NABP1: variants seen among roughly 807,000 people sequenced by gnomAD.
The protein encoded by NABP1 is SOSS complex subunit B2.
Under a neutral mutation model 25.0 loss-of-function variants are expected in NABP1, and 18 were observed. The observed-to-expected ratio is 0.72, with a 90% confidence interval of 0.50 to 1.07. The LOEUF (loss-of-function observed/expected upper bound fraction) is 1.07, where lower values mean the gene tolerates loss of function less well. Among genes scored for constraint, NABP1 ranks in the 50% least tolerant of loss-of-function variants. The pLI, the probability that NABP1 is intolerant of heterozygous loss-of-function variation, is 0.00. For missense variants in NABP1, 270 were observed against 255.6 expected, an observed-to-expected ratio of 1.06 and a Z score of -0.39; for synonymous variants, 71 against 85.0, an observed-to-expected ratio of 0.84 and a Z score of 0.91.
chr2:191,679,878 G>A (rs1047824474), intron 2 of NABP1, among the ~76,000 whole-genome samples: 1 of 152,084 alleles, frequency 6.6e-6, no homozygotes, highest in Non-Finnish European at 1.5e-5. Context: ...GAAAATTATA[G>A]GTAAAGGATT....
chr2:191,686,528 G>T lies in NABP1; in HGVS notation c.*760G>T, dbSNP rs1002004329. The T allele has an allele frequency of 6.6e-6, 1 of 152,162 alleles. No individual in the cohort carries two copies. Among genetic ancestry groups the T allele is most frequent in the Non-Finnish European group, 1.5e-5 (1 of 68,016 alleles). 9.4% of individuals were successfully genotyped at this position (152,162 alleles called of 1,614,324 possible). A position where few individuals can be genotyped will look rare whatever the true frequency, so the allele number is the denominator to read the frequency against. ...AAATACTGAAGTATAATTTGGGGGA[G>T]TTATAAAGTTATGATAAACATTCAT... On this transcript the variant is annotated 3_prime_UTR_variant, in exon 6 of 6. Coordinates refer to ENST00000425611, the MANE Select transcript of NABP1 (RefSeq NM_001031716.5).
chr2:191,685,832 T>A lies in NABP1; in HGVS notation c.*64T>A. On this transcript the variant is annotated 3_prime_UTR_variant, in exon 6 of 6. Coordinates refer to ENST00000425611, the MANE Select transcript of NABP1 (RefSeq NM_001031716.5). Reference sequence around the variant, plus strand: ...GCCCTACTTGAACACTTATTGCACTTTTATTTATTGTTAACTGTGAAAAGT... The same window carrying A: ...GCCCTACTTGAACACTTATTGCACTATTATTTATTGTTAACTGTGAAAAGT... 1 of 1,464,254 alleles carries A rather than the reference T, an allele frequency of 6.8e-7. No individual in the cohort carries two copies. Among genetic ancestry groups the A allele is most frequent in the Non-Finnish European group, 9.4e-7 (1 of 1,062,504 alleles). The allele number at this position is 1,464,254 out of a possible 1,614,324, so 90.7% of individuals were successfully genotyped here. A position where few individuals can be genotyped will look rare whatever the true frequency, so the allele number is the denominator to read the frequency against.
At chr2:191,680,598 G>A (rs1356205623) in intron 2 of NABP1, among the ~76,000 whole-genome samples, 1 of 152,088 alleles carries the variant, frequency 6.6e-6, no homozygotes, top group Non-Finnish European at 1.5e-5. Context: ...CGCTAAAAAC[G>A]GCATCTTATT....
In NABP1 at chr2:191,686,058, ACAT is replaced by A. The variant is rs1687814195; in HGVS notation, c.*293_*295del. On this transcript the variant is annotated 3_prime_UTR_variant, in exon 6 of 6. Coordinates refer to ENST00000425611, the MANE Select transcript of NABP1 (RefSeq NM_001031716.5). Reference sequence around the variant, plus strand: ...CCATTTCATGGGTGAGTTACTTAAGACATCAGCTTTATAGCCTCTATGAGTCTA... The same window carrying A: ...CCATTTCATGGGTGAGTTACTTAAGACAGCTTTATAGCCTCTATGAGTCTA... The A allele has an allele frequency of 3.4e-6, 1 of 291,690 alleles. No individual in the cohort carries two copies. Among genetic ancestry groups the A allele is most frequent in the African/African-American group, 2.3e-5 (1 of 44,330 alleles). 18.1% of individuals were successfully genotyped at this position (291,690 alleles called of 1,614,324 possible). A position where few individuals can be genotyped will look rare whatever the true frequency, so the allele number is the denominator to read the frequency against.
At position 191,678,467 on chromosome 2, in the gene NABP1, G is replaced by A. The variant is rs1229888040; in HGVS notation, c.-148G>A. On this transcript the variant is annotated 5_prime_UTR_variant, in exon 1 of 6. Transcript: ENST00000425611. ...AGTGCTGTCCGGGCTGGTTTGCCCG[G>A]TCCCTGACTAACGGCTTTCTGCCCC... is the stretch of plus-strand genomic sequence containing the variant. 85 of 497,800 alleles carry A rather than the reference G, an allele frequency of 1.7e-4. No homozygotes were observed. The Middle Eastern group carries it at 3.9e-3, about 23-fold the overall frequency. 30.8% of individuals were successfully genotyped at this position (497,800 alleles called of 1,614,324 possible). A position where few individuals can be genotyped will look rare whatever the true frequency, so the allele number is the denominator to read the frequency against.
intron 3 of NABP1, chr2:191,682,461 A>C (rs1229570657): frequency 2.1e-6 from 1 of 468,514 alleles, no homozygotes; most frequent in Non-Finnish European, 4.4e-6. Flanking sequence ...ACTTGCAGCA[A>C]CGAAAACTGA....
At position 191,683,264 on chromosome 2, in the gene NABP1, T is replaced by G. The variant is rs1687733626; in HGVS notation, c.303-465T>G. Reference sequence around the variant, plus strand: ...ATTATTTATTGCCTAGAAACCACTCTTAACCCTAAATGATTATCTTTGCAG... The same window carrying G: ...ATTATTTATTGCCTAGAAACCACTCGTAACCCTAAATGATTATCTTTGCAG... On this transcript the variant is annotated intron_variant, in intron 3 of 5. Transcript: ENST00000425611. This position sits in a 1 kb window ranked among gnomAD's most constrained non-coding sequence, Gnocchi z 4.1. The G allele has an allele frequency of 5.4e-6, 1 of 183,488 alleles. No homozygotes were observed. Among genetic ancestry groups the G allele is most frequent in the Admixed American group, 5.6e-5 (1 of 17,868 alleles). 11.4% of individuals were successfully genotyped at this position (183,488 alleles called of 1,614,324 possible).
In NABP1 at chr2:191,685,625, T is replaced by C. The variant is rs1173980273; in HGVS notation, c.472T>C (p.Ser158Pro). 4 of 1,613,542 alleles carry C rather than the reference T, an allele frequency of 2.5e-6. No individual in the cohort carries two copies. The highest frequency in any genetic ancestry group is 3.4e-6 in the Non-Finnish European group (4 of 1,179,784). The part of the protein sequence containing the change: ...VGNGVHTGPE[S>P]REHQFSHAGR... ...AAATGGTGTTCACACTGGCCCTGAA[T>C]CAAGGGAACACCAGTTTTCACATGC... is the stretch of plus-strand genomic sequence containing the variant. The change falls in exon 6 of 6, where the codon TCA becomes CCA. Residue 158 changes from serine to proline, a missense_variant. Ser to Pro is a moderately conservative substitution (Grantham distance 74, BLOSUM62 -1). Coordinates refer to ENST00000425611, the MANE Select transcript of NABP1 (RefSeq NM_001031716.5).
chr2:191,685,784 C>T lies in NABP1; in HGVS notation c.*16C>T, dbSNP rs964814245. The T allele has an allele frequency of 1.2e-6, 2 of 1,612,098 alleles. No homozygotes were observed. Among genetic ancestry groups the T allele is most frequent in the South Asian group, 1.1e-5 (1 of 90,888 alleles). The stretch of plus-strand genomic sequence containing the variant: ...TAAAAGATGACCTATGCTAAATACT[C>T]ATGTGTAGTTTTTATACTACATGCC... On this transcript the variant is annotated 3_prime_UTR_variant, in exon 6 of 6. Coordinates refer to ENST00000425611, the MANE Select transcript of NABP1 (RefSeq NM_001031716.5).
In NABP1 at chr2:191,684,267, A is replaced by T; in HGVS notation, c.416A>T (p.Asn139Ile). 6.5e-7 allele frequency: 1 copy of T among 1,541,320 alleles called. No individual in the cohort carries two copies. Among genetic ancestry groups the T allele is most frequent in the Non-Finnish European group, 8.7e-7 (1 of 1,154,466 alleles). The part of the protein sequence containing the change: ...SEQKNNSMNS[N>I]MGTGTFGPVG... ...CAGAAGAATAATTCCATGAATAGTAATATGGGTACAGGTACATTTGGACCA... is the reference window on the plus strand; with the variant it reads ...CAGAAGAATAATTCCATGAATAGTATTATGGGTACAGGTACATTTGGACCA... Residue 139 changes from asparagine (N) to isoleucine (I), a missense_variant, in exon 5 of 6, where the codon AAT becomes ATT. Transcript: ENST00000425611.
chr2:191,684,201 G>A (rs775330261), intron 4 of NABP1, 29 bp from the exon 5 acceptor site: 23 of 1,357,542 alleles, frequency 1.7e-5, no homozygotes, highest in Admixed American at 4.5e-5. Context: ...TTTTATTCTC[G>A]TTTGGTTAAA....
chr2:191,683,798 C>G lies in NABP1; in HGVS notation c.372C>G (p.Asn124Lys). The change falls in exon 4 of 6, where the codon AAC becomes AAG. Residue 124 changes from asparagine (N) to lysine (K), a missense_variant. Transcript: ENST00000425611. This position sits in a 1 kb window ranked among gnomAD's most constrained non-coding sequence, Gnocchi z 4.1. ...EPNPDYRGQQ[N>K]KGAQSEQKNN... ...ACCCAGATTATCGAGGACAGCAGAACAAAGGGGTAATTGTGTAGTATACTT... is the reference window on the plus strand; with the variant it reads ...ACCCAGATTATCGAGGACAGCAGAAGAAAGGGGTAATTGTGTAGTATACTT... 1.2e-6 allele frequency: 2 copies of G among 1,606,248 alleles called. No homozygotes were observed. Among genetic ancestry groups the G allele is most frequent in the South Asian group, 2.2e-5 (2 of 89,186 alleles).
At chr2:191,682,834 G>A in intron 3 of NABP1, 1 of 257,798 alleles carries the variant, frequency 3.9e-6, no homozygotes. Context: ...AATAATGAAG[G>A]AAAAGAAATG....
intron 5 of NABP1, among the ~76,000 whole-genome samples, 155 bp downstream of exon 5, chr2:191,684,451 A>C (rs1030635671): frequency 2.0e-5 from 3 of 152,230 alleles, no homozygotes; most frequent in Admixed American, 2.0e-4. Context: ...TTTTCTAGAA[A>C]GTTGATAAAC....
chr2:191,678,606 T>G lies in NABP1; in HGVS notation c.-9T>G. 1 of 1,605,760 alleles carries G rather than the reference T, an allele frequency of 6.2e-7. No homozygotes were observed. The highest frequency in any genetic ancestry group is 2.2e-5 in the East Asian group (1 of 44,756). ...GCGTCTCCGCAGCCGTAGCCGCGCC[T>G]GTCCCAATATGAATAGGGTCAACGA... On this transcript the variant is annotated 5_prime_UTR_variant, in exon 1 of 6. Coordinates refer to ENST00000425611, the MANE Select transcript of NABP1 (RefSeq NM_001031716.5).
At position 191,683,829 on chromosome 2, in the gene NABP1, A is replaced by C. The variant is rs749618062; in HGVS notation, c.378+25A>C. 3.3e-6 allele frequency: 5 copies of C among 1,536,236 alleles called. No homozygotes were observed. The highest frequency in any genetic ancestry group is 4.5e-6 in the Non-Finnish European group (5 of 1,120,888). On this transcript the variant is annotated intron_variant, in intron 4 of 5. Coordinates refer to ENST00000425611, the MANE Select transcript of NABP1 (RefSeq NM_001031716.5). The surrounding 1 kb of genome is among the most constrained non-coding windows in gnomAD (Gnocchi z 4.1). ...GGTAATTGTGTAGTATACTTTTATG[A>C]TTAGGCTAATTTTGACTGTGTTATA...
At chr2:191,682,216 AT>A in intron 3 of NABP1, 199 bp downstream of exon 3, 1 of 440,438 alleles carries the variant, frequency 2.3e-6, no homozygotes, top group Non-Finnish European at 4.1e-6. Flanking sequence ...AAAAGTGTCA[AT>A]TTTTCCTGGC....
chr2:191,682,783 C>T, intron 3 of NABP1: 1 of 240,400 alleles, frequency 4.2e-6, no homozygotes, highest in Non-Finnish European at 8.6e-6. Context: ...AAACTGTTTG[C>T]CACTGAGGGA....
Position 191,683,871 on chromosome 2 carries a change from A to G in NABP1, c.378+67A>G. On this transcript the variant is annotated intron_variant, in intron 4 of 5. Transcript: ENST00000425611. This position sits in a 1 kb window ranked among gnomAD's most constrained non-coding sequence, Gnocchi z 4.1. Reference sequence around the variant, plus strand: ...TGTGTTATAATTCTATGATTAGGCTAGCCCTGTTGATACTTAGTATAAAGA... The same window carrying G: ...TGTGTTATAATTCTATGATTAGGCTGGCCCTGTTGATACTTAGTATAAAGA... 1 of 1,179,390 alleles carries G rather than the reference A, an allele frequency of 8.5e-7. No individual in the cohort carries two copies. The highest frequency in any genetic ancestry group is 1.2e-6 in the Non-Finnish European group (1 of 813,110). 73.1% of individuals were successfully genotyped at this position (1,179,390 alleles called of 1,614,324 possible). A position where few individuals can be genotyped will look rare whatever the true frequency, so the allele number is the denominator to read the frequency against.
Sources: gnomAD v4.1 joint callset for allele counts (sites outside exome capture counted in the v4.1 genomes callset) on GRCh38, gnomAD v4.1.1 for gene constraint, Gnocchi (gnomAD v3.1) non-coding constraint, MANE v1.5 for transcripts, NCBI Gene and HGNC (gene_info 2026-07-23, HGNC 2026-07-21) for gene names.